Variants in HDAC9 observed in about 807,000 individuals in gnomAD.
The protein encoded by HDAC9 is histone deacetylase 9, also known as MEF-2 interacting transcription repressor (MITR) protein.
In HDAC9, 41 loss-of-function variants were observed where a neutral mutation model predicts 139.4. That is an observed-to-expected ratio of 0.29 (90% CI 0.23 to 0.38). HDAC9 has a LOEUF of 0.38. Ranked by LOEUF, HDAC9 falls within the 10% of genes least tolerant of loss-of-function variation. The pLI is 1.00. For synonymous variants in HDAC9, 517 were observed against 476.2 expected, an observed-to-expected ratio of 1.09 and a Z score of -1.12; for missense variants, 1,147 against 1,297.0, an observed-to-expected ratio of 0.88 and a Z score of 1.78.
chr7:18,150,047 T>C (rs1178356), intron 1 of HDAC9, among the ~76,000 whole-genome samples: 111,419 of 150,500 alleles, frequency 0.74, 41,920 homozygotes, highest in African/African-American at 0.87. Context: ...ATATTTTTCC[T>C]AGTGTGATTT....
rs530218541 is a variant in HDAC9, at chr7:18,821,186, A to G, written c.2323-7975A>G. Among the ~76,000 whole-genome samples the G allele has an allele frequency of 2.4e-4, 37 of 152,348 alleles. 1 individual carries two copies. In the South Asian group the frequency reaches 7.5e-3, roughly 31 times the overall value. ...TTATAATGGCCTTATCCGATTTATG[A>G]TAGGAAATGCTCTCATGACCTCATC... On this transcript the variant is annotated intron_variant, in intron 17 of 25. Coordinates refer to ENST00000686413, the MANE Select transcript of HDAC9 (RefSeq NM_178425.4).
At chr7:18,147,529 T>A (rs1786429986) in intron 1 of HDAC9, among the ~76,000 whole-genome samples, 1 of 152,140 alleles carries the variant, frequency 6.6e-6, no homozygotes, top group Non-Finnish European at 1.5e-5. Flanking sequence ...TGTTGTTTAT[T>A]TTTTTATTAT....
intron 21 of HDAC9, among the ~76,000 whole-genome samples, chr7:18,867,195 C>T (rs1355810925): frequency 6.6e-6 from 1 of 152,158 alleles, no homozygotes; most frequent in African/African-American, 2.4e-5. Context: ...AAGAGCATGA[C>T]AGAATAACCA....
intron 11 of HDAC9, among the ~76,000 whole-genome samples, chr7:18,656,274 G>T (rs939225673): frequency 6.6e-6 from 1 of 152,002 alleles, no homozygotes; most frequent in Non-Finnish European, 1.5e-5. Flanking sequence ...TAACCTAGTT[G>T]TATCAGCTAG....
At chr7:18,606,541 G>A (rs1349509931) in intron 6 of HDAC9, among the ~76,000 whole-genome samples, 2 of 152,168 alleles carry the variant, frequency 1.3e-5, no homozygotes, top group Non-Finnish European at 2.9e-5. Context: ...TTGTAAGCAA[G>A]ACTTGGGAAT....
chr7:18,110,404 C>A (rs1783535564), intron 1 of HDAC9, among the ~76,000 whole-genome samples: 1 of 152,084 alleles, frequency 6.6e-6, no homozygotes, highest in South Asian at 2.1e-4. Context: ...AGAAAAGTGG[C>A]AAGGATACTT....
At chr7:18,385,638 C>T (rs181880951) in intron 1 of HDAC9, among the ~76,000 whole-genome samples, 228 of 152,236 alleles carry the variant, frequency 1.5e-3, no homozygotes, top group Middle Eastern at 3.4e-3. Context: ...GTCATACTTA[C>T]GATATTGTTC....
intron 1 of HDAC9, among the ~76,000 whole-genome samples, chr7:18,144,602 AT>A (rs551151372): frequency 4.4e-4 from 66 of 150,916 alleles, no homozygotes; most frequent in Middle Eastern, 3.4e-3. Context: ...AGACCACCAT[AT>A]TTTTTTTTCC....
At chr7:18,855,098 C>G (rs1289327762) in intron 21 of HDAC9, among the ~76,000 whole-genome samples, 2 of 152,156 alleles carry the variant, frequency 1.3e-5, no homozygotes, top group Non-Finnish European at 2.9e-5. Context: ...CTTAATCTCA[C>G]TGCACTCTAC....
chr7:18,428,970 A>G (rs1404521844), intron 1 of HDAC9: 1 of 152,240 alleles, frequency 6.6e-6, no homozygotes, highest in Non-Finnish European at 1.5e-5. Flanking sequence ...ACGTCTTCAG[A>G]TCTGTGCTCA....
At chr7:18,717,431 C>CT (rs59746761) in intron 12 of HDAC9, among the ~76,000 whole-genome samples, 7,934 of 137,212 alleles carry the variant, frequency 0.058, 758 homozygotes, top group African/African-American at 0.19. Context: ...TTACAATTTC[C>CT]TTTTTTTTTT....
At chr7:18,796,513 C>T (rs1462493449) in intron 17 of HDAC9, among the ~76,000 whole-genome samples, 1 of 152,198 alleles carries the variant, frequency 6.6e-6, no homozygotes, top group African/African-American at 2.4e-5. Context: ...TAGACCTGCT[C>T]AGTGGAGCTC....
At chr7:18,866,990 G>A (rs2129239255) in intron 21 of HDAC9, among the ~76,000 whole-genome samples, 1 of 152,274 alleles carries the variant, frequency 6.6e-6, no homozygotes, top group South Asian at 2.1e-4. Flanking sequence ...CAAATCTCAT[G>A]GAAAGAAATT....
At chr7:18,844,785 T>C (rs1400861094) in intron 21 of HDAC9, among the ~76,000 whole-genome samples, 3 of 152,208 alleles carry the variant, frequency 2.0e-5, no homozygotes, top group Admixed American at 1.3e-4. Flanking sequence ...GGGTTTCTTA[T>C]CCTTCTGTAC....
chr7:18,618,485 C>A (rs753646223), intron 6 of HDAC9, among the ~76,000 whole-genome samples: 1 of 151,790 alleles, frequency 6.6e-6, no homozygotes, highest in East Asian at 1.9e-4. Flanking sequence ...TGACCTATAA[C>A]GTTTTCTGGG....
chr7:18,292,246 G>A (rs1345005595), intron 1 of HDAC9, among the ~76,000 whole-genome samples: 1 of 151,956 alleles, frequency 6.6e-6, no homozygotes, highest in Non-Finnish European at 1.5e-5. Context: ...TTATAGAAAA[G>A]GAAACTAAGG....
rs1786594488 is a variant in HDAC9, at chr7:18,998,640, G to C, written c.*2578G>C. The C allele has an allele frequency of 6.6e-6, 1 of 152,274 alleles. No homozygotes were observed. The highest frequency in any genetic ancestry group is 2.4e-5 in the African/African-American group (1 of 41,572). The allele number at this position is 152,274 out of a possible 1,614,324, so 9.4% of individuals were successfully genotyped here. The stretch of plus-strand genomic sequence containing the variant: ...TGAAATAGACCAGCACTTTTTGAAA[G>C]GGTAGTTTCACTTGGTATAGTTTTT... On this transcript the variant is annotated 3_prime_UTR_variant, in exon 26 of 26. Coordinates refer to ENST00000686413, the MANE Select transcript of HDAC9 (RefSeq NM_178425.4).
At position 18,846,356 on chromosome 7, in the gene HDAC9, C is replaced by A. The variant is rs147228937; in HGVS notation, c.2684+10359C>A. 5.3e-5 allele frequency among the ~76,000 whole-genome samples: 8 copies of A among 152,226 alleles called. No individual in the cohort carries two copies. In the East Asian group the frequency reaches 1.6e-3, roughly 30 times the overall value. Reference sequence around the variant, plus strand: ...CTAGTCTTTGTGACTGGGACCCACCCTCAGACAAAAAACTTAAAGGCAATA... The same window carrying A: ...CTAGTCTTTGTGACTGGGACCCACCATCAGACAAAAAACTTAAAGGCAATA... On this transcript the variant is annotated intron_variant, in intron 21 of 25. Coordinates refer to ENST00000686413, the MANE Select transcript of HDAC9 (RefSeq NM_178425.4).
rs552304878 is a variant in HDAC9, at chr7:18,874,780, C to A, written c.2803+184C>A. ...TGTAGAAATTTGCCTTTAAGAAAAA[C>A]AAAGTTAAAGTGCTTTGTTTGGTGG... On this transcript the variant is annotated intron_variant, in intron 22 of 25. Transcript: ENST00000686413. Among the ~76,000 whole-genome samples, 74 of 152,246 alleles carry A rather than the reference C, an allele frequency of 4.9e-4. 1 individual carries two copies. The highest frequency in any genetic ancestry group is 1.2e-3 in the Admixed American group (19 of 15,296).
Sources: gnomAD v4.1 joint callset for allele counts (sites outside exome capture counted in the v4.1 genomes callset) on GRCh38, gnomAD v4.1.1 for gene constraint, MANE v1.5 for transcripts, NCBI Gene and HGNC (gene_info 2026-07-23, HGNC 2026-07-21) for gene names.